CDH4: variants seen among roughly 807,000 people sequenced by gnomAD.
The protein encoded by CDH4 is cadherin-4.
In CDH4, 33 loss-of-function variants were observed where a neutral mutation model predicts 86.0. The ratio of observed to expected loss-of-function variants is 0.38; its 90% CI spans 0.29 to 0.51. The LOEUF (loss-of-function observed/expected upper bound fraction) is 0.51, where lower values mean the gene tolerates loss of function less well. Among genes scored for constraint, CDH4 ranks in the 20% least tolerant of loss-of-function variants. CDH4 has a pLI of 0.86. For missense variants in CDH4, 1,114 were observed against 1,307.4 expected (o/e 0.85, Z 2.28); for synonymous variants, 555 against 549.4 (o/e 1.01, Z -0.14).
chr20:61,264,425 A>G (rs1202460741), intron 2 of CDH4, among the ~76,000 whole-genome samples: 2 of 150,802 alleles, frequency 1.3e-5, no homozygotes, highest in Non-Finnish European at 2.9e-5. Flanking sequence ...AGTCCTACAC[A>G]TACCCCAGTG....
intron 2 of CDH4, among the ~76,000 whole-genome samples, chr20:61,702,727 C>CA (rs1174884465): frequency 2.6e-5 from 4 of 152,224 alleles, no homozygotes; most frequent in Non-Finnish European, 4.4e-5. Context: ...AATCCAATTA[C>CA]AGGCAATGTC....
intron 2 of CDH4, among the ~76,000 whole-genome samples, chr20:61,531,838 C>T (rs544421786): frequency 1.3e-5 from 2 of 152,180 alleles, no homozygotes; most frequent in Non-Finnish European, 1.5e-5. Context: ...AAACTCACTT[C>T]GACCAACACC....
intron 3 of CDH4, among the ~76,000 whole-genome samples, chr20:61,745,033 G>A (rs1188182481): frequency 2.6e-5 from 4 of 152,190 alleles, no homozygotes; most frequent in African/African-American, 9.6e-5. Flanking sequence ...AAGAATGTGT[G>A]CCAACCCCTC....
At chr20:61,256,690 C>A (rs781030977) in intron 2 of CDH4, among the ~76,000 whole-genome samples, 2 of 152,132 alleles carry the variant, frequency 1.3e-5, no homozygotes, top group East Asian at 3.9e-4. Flanking sequence ...TCCAAGTGCC[C>A]GTTGACTTAC....
chr20:61,457,645 G>GATGGTC (rs1210300344), intron 2 of CDH4, among the ~76,000 whole-genome samples: 1 of 151,886 alleles, frequency 6.6e-6, no homozygotes, highest in Admixed American at 6.6e-5. Context: ...GTGATGGTAA[G>GATGGTC]ATGGTCATGG....
At chr20:61,483,308 C>T (rs1450297920) in intron 2 of CDH4, among the ~76,000 whole-genome samples, 1 of 150,482 alleles carries the variant, frequency 6.6e-6, no homozygotes, top group East Asian at 1.9e-4. Context: ...TTCAGCTGGG[C>T]CCAGTTTGAT....
intron 2 of CDH4, among the ~76,000 whole-genome samples, chr20:61,726,609 CACCATCACT>C (rs1384559222): frequency 1.3e-5 from 2 of 152,070 alleles, no homozygotes; most frequent in African/African-American, 4.8e-5. Context: ...CTGCCATCAT[CACCATCACT>C]GCCATCATCA....
Position 61,636,612 on chromosome 20 carries a change from C to A in CDH4, c.170-106951C>A, listed in dbSNP as rs191925434. ...CTATCTTTGCGAGGCTCTGGCCTCTCTTCCACGGGGCTTTCAGCCCAGCTG... is the reference window on the plus strand; with the variant it reads ...CTATCTTTGCGAGGCTCTGGCCTCTATTCCACGGGGCTTTCAGCCCAGCTG... On this transcript the variant is annotated intron_variant, in intron 2 of 15. Coordinates refer to ENST00000614565, the MANE Select transcript of CDH4 (RefSeq NM_001794.5). 2.6e-5 allele frequency among the ~76,000 whole-genome samples: 4 copies of A among 152,380 alleles called. No individual in the cohort carries two copies. The East Asian group carries it at 7.7e-4, about 29-fold the overall frequency.
chr20:61,550,563 C>G (rs557931196), intron 2 of CDH4, among the ~76,000 whole-genome samples: 1 of 152,248 alleles, frequency 6.6e-6, no homozygotes, highest in East Asian at 1.9e-4. Context: ...TCTGCGGGAC[C>G]CTGCCCTTGT....
intron 2 of CDH4, among the ~76,000 whole-genome samples, chr20:61,614,130 G>T (rs2086707402): frequency 1.3e-5 from 2 of 152,092 alleles, no homozygotes; most frequent in South Asian, 4.1e-4. Context: ...AGTGTTACGA[G>T]TGTCTCTATG....
intron 2 of CDH4, among the ~76,000 whole-genome samples, chr20:61,642,393 G>C (rs534072877): frequency 6.6e-6 from 1 of 152,230 alleles, no homozygotes; most frequent in South Asian, 2.1e-4. Flanking sequence ...ACAGAAGGAA[G>C]TGCTTACCAG....
chr20:61,347,917 A>T (rs1250169132), intron 2 of CDH4, among the ~76,000 whole-genome samples: 1 of 152,168 alleles, frequency 6.6e-6, no homozygotes, highest in Non-Finnish European at 1.5e-5. Flanking sequence ...AGTCAGAGGG[A>T]ATAACAAGTC....
chr20:61,876,025 G>A (rs1288006809), intron 7 of CDH4, among the ~76,000 whole-genome samples: 2 of 152,234 alleles, frequency 1.3e-5, no homozygotes, highest in Admixed American at 6.5e-5. Context: ...GGCAGAGCAG[G>A]TGGTCTGACT....
intron 2 of CDH4, among the ~76,000 whole-genome samples, chr20:61,624,322 C>G (rs548352532): frequency 6.6e-6 from 1 of 152,324 alleles, no homozygotes; most frequent in East Asian, 1.9e-4. Context: ...ATCCTGAAAG[C>G]CATAGCAATG....
chr20:61,933,250 AG>A, intron 14 of CDH4, 126 bp downstream of exon 14: 6 of 1,234,904 alleles, frequency 4.9e-6, no homozygotes, highest in Non-Finnish European at 6.8e-6. Context: ...TGAAGGTGCC[AG>A]GCAGGGGCGC....
intron 2 of CDH4, among the ~76,000 whole-genome samples, chr20:61,281,516 G>A (rs1568779946): frequency 1.3e-5 from 2 of 152,202 alleles, no homozygotes; most frequent in African/African-American, 2.4e-5. Flanking sequence ...TTTGTGGGCC[G>A]CCCAAGGGAA....
intron 2 of CDH4, among the ~76,000 whole-genome samples, chr20:61,590,967 A>AT (rs760841720): frequency 1.3e-5 from 2 of 151,594 alleles, no homozygotes; most frequent in African/African-American, 2.4e-5. Context: ...ATGCTGAGCC[A>AT]TGAACAGCAT....
chr20:61,864,647 C>T (rs1983467062), intron 6 of CDH4, among the ~76,000 whole-genome samples: 2 of 152,206 alleles, frequency 1.3e-5, no homozygotes, highest in South Asian at 2.1e-4. Flanking sequence ...GACACACTCA[C>T]TCAACTCCCA....
At chr20:61,521,024 C>G (rs1600726877) in intron 2 of CDH4, among the ~76,000 whole-genome samples, 1 of 152,128 alleles carries the variant, frequency 6.6e-6, no homozygotes, top group African/African-American at 2.4e-5. Context: ...TGCAGGGGGG[C>G]CCGCACCCAC....
Sources: allele counts gnomAD v4.1 joint callset (sites outside exome capture counted in the v4.1 genomes callset), GRCh38; gene constraint gnomAD v4.1.1; transcripts MANE v1.5; gene names NCBI Gene and HGNC (gene_info 2026-07-23, HGNC 2026-07-21).